The following SEMA3A variants were observed in gnomAD, a reference collection of about 807,000 sequenced individuals.
SEMA3A encodes the protein semaphorin-3A.
In SEMA3A, 29 loss-of-function variants were observed where a neutral mutation model predicts 97.9. That is an observed-to-expected ratio of 0.30 (90% CI 0.22 to 0.40). The LOEUF (loss-of-function observed/expected upper bound fraction) is 0.40, where lower values mean the gene tolerates loss of function less well. Among genes scored for constraint, SEMA3A ranks in the 10% least tolerant of loss-of-function variants. The pLI is 1.00. For synonymous variants in SEMA3A, 321 were observed against 323.7 expected (o/e 0.99, Z 0.09); for missense variants, 763 against 951.3 (o/e 0.80, Z 2.60).
At chr7:84,421,477 C>T (rs142891684) in intron 1 of SEMA3A, among the ~76,000 whole-genome samples, 166 of 152,122 alleles carry the variant, frequency 1.1e-3, no homozygotes, top group African/African-American at 3.8e-3. Context: ...TATAATTTGA[C>T]TTCCTCTCTT....
At chr7:83,977,430 CA>C (rs960646495) in intron 14 of SEMA3A, among the ~76,000 whole-genome samples, 3 of 152,012 alleles carry the variant, frequency 2.0e-5, no homozygotes, top group African/African-American at 7.2e-5. Context: ...AATGTACTAA[CA>C]ACATGTTAAA....
intron 14 of SEMA3A, among the ~76,000 whole-genome samples, chr7:83,980,536 C>T (rs1437539456): frequency 2.8e-5 from 4 of 143,264 alleles, no homozygotes; most frequent in Admixed American, 2.2e-4. Flanking sequence ...ACCTGGGAGG[C>T]AGAGGTTGCA....
At chr7:84,059,853 G>C (rs937756453) in intron 5 of SEMA3A, among the ~76,000 whole-genome samples, 1 of 151,954 alleles carries the variant, frequency 6.6e-6, no homozygotes, top group Non-Finnish European at 1.5e-5. Context: ...TTTTGTTTGT[G>C]TATTTAGTTA....
chr7:84,351,578 T>C (rs1802439370), intron 2 of SEMA3A, among the ~76,000 whole-genome samples: 1 of 152,126 alleles, frequency 6.6e-6, no homozygotes, highest in African/African-American at 2.4e-5. Context: ...TAGATATTTT[T>C]CAAAAGAAGA....
rs1794868882 is a variant in SEMA3A, at chr7:84,099,105, C to A, written c.453+11365G>T. Reference sequence around the variant, plus strand: ...TTTTTTTTTGAGACGGAGTCTCGCTCTGTCGCCCAGGCTGGAGTGCAGTGG... The same window carrying A: ...TTTTTTTTTGAGACGGAGTCTCGCTATGTCGCCCAGGCTGGAGTGCAGTGG... On this transcript the variant is annotated intron_variant, in intron 4 of 16. Coordinates refer to ENST00000265362, the MANE Select transcript of SEMA3A (RefSeq NM_006080.3). 4.4e-5 allele frequency among the ~76,000 whole-genome samples: 2 copies of A among 45,348 alleles called. 1 individual carries two copies. Among genetic ancestry groups the A allele is most frequent in the Non-Finnish European group, 1.3e-4 (2 of 15,132 alleles). The allele number at this position is 45,348 out of a possible 152,430, so 29.8% of individuals were successfully genotyped here. A position where few individuals can be genotyped will look rare whatever the true frequency, so the allele number is the denominator to read the frequency against.
At chr7:84,416,659 T>C (rs1442379130) in intron 1 of SEMA3A, among the ~76,000 whole-genome samples, 2 of 152,166 alleles carry the variant, frequency 1.3e-5, no homozygotes. Context: ...CTTTCAAACA[T>C]GAATCTTGGG....
intron 4 of SEMA3A, among the ~76,000 whole-genome samples, chr7:84,073,078 T>G (rs114543034): frequency 0.01 from 1,574 of 152,292 alleles, 29 homozygotes; most frequent in African/African-American, 0.036. Flanking sequence ...ACAATTTTAT[T>G]TTAGTGTACT....
rs755560905 is a variant in SEMA3A, at chr7:84,134,887, G to A, written c.177C>T (p.Thr59=). The change falls in exon 2 of 17, where the codon ACC becomes ACT. Residue 59 remains threonine, a synonymous_variant. Coordinates refer to ENST00000265362, the MANE Select transcript of SEMA3A (RefSeq NM_006080.3). ...TACTCCGTTCCTCATCCAAAAGGAA[G>A]GTATGATAACTGGAGCTGTTGGCCA... ...NGLANSSSYH[T]FLLDEERSRL... is the part of the protein sequence containing the mutation. 1.2e-6 allele frequency: 2 copies of A among 1,613,656 alleles called. No individual in the cohort carries two copies. Among genetic ancestry groups the A allele is most frequent in the African/African-American group, 1.3e-5 (1 of 74,910 alleles).
chr7:84,425,774 A>G (rs1053988064), intron 1 of SEMA3A, among the ~76,000 whole-genome samples: 6 of 148,942 alleles, frequency 4.0e-5, no homozygotes, highest in Non-Finnish European at 1.5e-5. Flanking sequence ...AGTTTGAGAC[A>G]AGCCTGGCCA....
At chr7:84,391,296 A>G (rs912710325) in intron 1 of SEMA3A, among the ~76,000 whole-genome samples, 3 of 152,184 alleles carry the variant, frequency 2.0e-5, no homozygotes, top group Non-Finnish European at 4.4e-5. Context: ...CAAATAGACA[A>G]GAACCTAGTA....
intron 1 of SEMA3A, among the ~76,000 whole-genome samples, chr7:84,443,904 T>TG (rs1805337896): frequency 7.4e-6 from 1 of 135,538 alleles, no homozygotes; most frequent in Non-Finnish European, 1.5e-5. Context: ...TTTTTTTTTT[T>TG]GAGACAGAGT....
intron 1 of SEMA3A, among the ~76,000 whole-genome samples, chr7:84,429,551 G>A (rs371095554): frequency 5.7e-5 from 3 of 52,622 alleles, no homozygotes; most frequent in East Asian, 3.8e-3. Context: ...TATATATAGC[G>A]AGAGAGAGAG....
At chr7:84,300,397 C>A (rs1013978949) in intron 3 of SEMA3A, among the ~76,000 whole-genome samples, 2 of 151,848 alleles carry the variant, frequency 1.3e-5, no homozygotes, top group African/African-American at 2.4e-5. Flanking sequence ...AAGCAAATCC[C>A]AAAAGGCATA....
intron 1 of SEMA3A, among the ~76,000 whole-genome samples, chr7:84,386,430 T>G (rs1803399165): frequency 6.6e-6 from 1 of 152,100 alleles, no homozygotes; most frequent in Non-Finnish European, 1.5e-5. Flanking sequence ...TGCCTGAGAT[T>G]TCACTGTTTT....
chr7:84,408,260 G>A (rs1804159036), intron 1 of SEMA3A, among the ~76,000 whole-genome samples: 1 of 152,170 alleles, frequency 6.6e-6, no homozygotes, highest in Non-Finnish European at 1.5e-5. Context: ...CTCAAAAGAA[G>A]ACATTTATGC....
chr7:84,163,842 A>AT (rs551002141), intron 1 of SEMA3A, among the ~76,000 whole-genome samples: 6,475 of 126,876 alleles, frequency 0.051, 153 homozygotes, highest in Non-Finnish European at 0.062. Context: ...ACACAGTACT[A>AT]TTTTTTTTTT....
intron 2 of SEMA3A, among the ~76,000 whole-genome samples, chr7:84,332,638 C>T (rs748712826): frequency 4.0e-4 from 60 of 151,290 alleles, no homozygotes; most frequent in Non-Finnish European, 7.8e-4. Flanking sequence ...TGACGTCAAT[C>T]CAAGGCACTG....
chr7:84,050,783 C>T (rs1792594672), intron 5 of SEMA3A, among the ~76,000 whole-genome samples: 1 of 152,014 alleles, frequency 6.6e-6, no homozygotes. Context: ...AAGTCCTTGC[C>T]CATGCTTATG....
At chr7:84,343,870 G>T (rs1218486938) in intron 2 of SEMA3A, among the ~76,000 whole-genome samples, 1 of 152,012 alleles carries the variant, frequency 6.6e-6, no homozygotes, top group Non-Finnish European at 1.5e-5. Flanking sequence ...GTCACGTGTG[G>T]TGGCATGCAC....
Sources: gnomAD v4.1 joint callset for allele counts (sites outside exome capture counted in the v4.1 genomes callset) on GRCh38, gnomAD v4.1.1 for gene constraint, MANE v1.5 for transcripts, NCBI Gene and HGNC (gene_info 2026-07-23, HGNC 2026-07-21) for gene names.